Variants in BNC2 observed in about 807,000 individuals in gnomAD.
BNC2 encodes zinc finger protein basonuclin-2.
A neutral mutation model predicts 76.3 loss-of-function variants in BNC2; 20 were observed. The ratio of observed to expected loss-of-function variants is 0.26; its 90% confidence interval spans 0.18 to 0.38. BNC2 has a LOEUF of 0.38. Among genes scored for constraint, BNC2 ranks in the 10% least tolerant of loss-of-function variants. The pLI, the probability that BNC2 is intolerant of heterozygous loss-of-function variation, is 1.00. For missense variants in BNC2, 1,382 were observed against 1,399.8 expected (o/e 0.99, Z 0.20); for synonymous variants, 582 against 514.8 (o/e 1.13, Z -1.77).
At chr9:16,687,087 G>A (rs1364942485) in intron 3 of BNC2, among the ~76,000 whole-genome samples, 1 of 152,002 alleles carries the variant, frequency 6.6e-6, no homozygotes. Flanking sequence ...AAAAAACTGA[G>A]GCTTAGAGTA....
chr9:16,414,521 T>A lies in BNC2; in HGVS notation c.*4468A>T, dbSNP rs1820543296. On this transcript the variant is annotated 3_prime_UTR_variant, in exon 7 of 7. Transcript: ENST00000380672. ...AGAATGAAATTCGTTTGTCATAATT[T>A]TAAAAAAGAAGCTCTTAAGAAAAGG... is the stretch of plus-strand genomic sequence containing the variant. The A allele has an allele frequency of 6.6e-6, 1 of 152,208 alleles. No individual in the cohort carries two copies. The allele number at this position is 152,208 out of a possible 1,614,324, so 9.4% of individuals were successfully genotyped here.
chr9:16,448,135 C>G (rs559034170), intron 5 of BNC2, among the ~76,000 whole-genome samples: 4 of 152,210 alleles, frequency 2.6e-5, no homozygotes, highest in African/African-American at 9.6e-5. Context: ...TTACAATAAA[C>G]AGAACTCACC....
At chr9:16,798,829 A>C (rs886690098) in intron 1 of BNC2, among the ~76,000 whole-genome samples, 1 of 152,302 alleles carries the variant, frequency 6.6e-6, no homozygotes, top group Admixed American at 6.5e-5. Context: ...AGAGAGCAGA[A>C]GGTAAACAAT....
chr9:16,706,559 G>C (rs2297174), intron 3 of BNC2, among the ~76,000 whole-genome samples: 1 of 152,016 alleles, frequency 6.6e-6, no homozygotes, highest in Admixed American at 6.5e-5. Context: ...TCTCAAAGCA[G>C]GTTAACATGC....
intron 1 of BNC2, among the ~76,000 whole-genome samples, chr9:16,814,027 A>G (rs536869355): frequency 7.9e-5 from 12 of 152,282 alleles, no homozygotes; most frequent in African/African-American, 2.9e-4. Context: ...GTCTGTCCTG[A>G]TTATGCAATA....
intron 5 of BNC2, among the ~76,000 whole-genome samples, chr9:16,482,780 C>T (rs1822086689): frequency 6.6e-6 from 1 of 152,192 alleles, no homozygotes; most frequent in Non-Finnish European, 1.5e-5. Flanking sequence ...TCACAAACTT[C>T]AGACTCCAGG....
chr9:16,645,752 T>C (rs952632937), intron 3 of BNC2, among the ~76,000 whole-genome samples: 4 of 152,344 alleles, frequency 2.6e-5, no homozygotes, highest in Admixed American at 2.6e-4. Flanking sequence ...ATTCTTAGCA[T>C]ATTGCTTATA....
intron 4 of BNC2, among the ~76,000 whole-genome samples, chr9:16,560,216 CTG>C (rs1373244460): frequency 6.6e-6 from 1 of 152,152 alleles, no homozygotes; most frequent in African/African-American, 2.4e-5. Flanking sequence ...GGACCATACT[CTG>C]AGAATCACTG....
In BNC2 at chr9:16,751,650, G is replaced by GTATATATATGTA. The variant is rs1825206254; in HGVS notation, c.4-13166_4-13165insTACATATATATA. 9.0e-4 allele frequency among the ~76,000 whole-genome samples: 26 copies of GTATATATATGTA among 28,768 alleles called. 1 individual carries two copies. The highest frequency in any genetic ancestry group is 3.0e-3 in the South Asian group (3 of 1,006). The allele number at this position is 28,768 out of a possible 152,430, so 18.9% of individuals were successfully genotyped here. A position where few individuals can be genotyped will look rare whatever the true frequency, so the allele number is the denominator to read the frequency against. On this transcript the variant is annotated intron_variant, in intron 1 of 6. Transcript: ENST00000380672. ...TATATGTATGTATATATGTATGTGT[G>GTATATATATGTA]TATATATATATGTATGTATGTGTAT...
chr9:16,643,821 A>G (rs963713122), intron 3 of BNC2, among the ~76,000 whole-genome samples: 2 of 152,148 alleles, frequency 1.3e-5, no homozygotes, highest in Non-Finnish European at 2.9e-5. Flanking sequence ...GCATGGTTTA[A>G]GATTAAAGAT....
At chr9:16,633,162 A>G (rs1210761112) in intron 3 of BNC2, among the ~76,000 whole-genome samples, 1 of 152,202 alleles carries the variant, frequency 6.6e-6, no homozygotes, top group Non-Finnish European at 1.5e-5. Flanking sequence ...TCTGCAACAT[A>G]ACGAAGAGCA....
At chr9:16,634,831 G>A (rs1433689347) in intron 3 of BNC2, among the ~76,000 whole-genome samples, 1 of 151,860 alleles carries the variant, frequency 6.6e-6, no homozygotes, top group African/African-American at 2.4e-5. Context: ...CCCAAAGTCT[G>A]AGCCCAAGAA....
chr9:16,848,084 T>C (rs934617420), intron 1 of BNC2, among the ~76,000 whole-genome samples: 2 of 152,220 alleles, frequency 1.3e-5, no homozygotes, highest in Non-Finnish European at 2.9e-5. Context: ...GATATTCTAA[T>C]TAGGAAACAT....
chr9:16,637,790 G>GA (rs1200493783), intron 3 of BNC2, among the ~76,000 whole-genome samples: 1 of 150,952 alleles, frequency 6.6e-6, no homozygotes, highest in Non-Finnish European at 1.5e-5. Context: ...TAGATTAAAA[G>GA]AAAAAAAGCC....
At chr9:16,817,662 T>C (rs956318732) in intron 1 of BNC2, among the ~76,000 whole-genome samples, 1 of 152,220 alleles carries the variant, frequency 6.6e-6, no homozygotes, top group African/African-American at 2.4e-5. Flanking sequence ...TGCCAGAGTA[T>C]GGTTTAACGT....
At chr9:16,464,829 T>C (rs1344753547) in intron 5 of BNC2, among the ~76,000 whole-genome samples, 1 of 152,194 alleles carries the variant, frequency 6.6e-6, no homozygotes. Context: ...CCTGAAAAAG[T>C]TAAAACTAAT....
At chr9:16,860,499 T>C (rs1209585730) in intron 1 of BNC2, among the ~76,000 whole-genome samples, 1 of 152,174 alleles carries the variant, frequency 6.6e-6, no homozygotes, top group South Asian at 2.1e-4. Flanking sequence ...AAGAATAAAG[T>C]TGTACCCCTA....
chr9:16,600,090 G>A (rs1157734715), intron 3 of BNC2, among the ~76,000 whole-genome samples: 1 of 152,082 alleles, frequency 6.6e-6, no homozygotes, highest in African/African-American at 2.4e-5. Flanking sequence ...AATCCAAGAG[G>A]GGCCCTACAT....
chr9:16,436,382 G>C lies in BNC2; in HGVS notation c.1812C>G (p.His604Gln), dbSNP rs936836401. ...CTACTGGCTCAGAGGGTGGCGGGGG[G>C]TGCTGCTCTATGGTACCACTGGTTG... ...IIPTSGTIEQHPPPPSEPVVP... is the reference protein window; with the variant it reads ...IIPTSGTIEQQPPPPSEPVVP... The change falls in exon 6 of 7, where the codon CAC (histidine) becomes CAG (glutamine). Residue 604 changes from histidine to glutamine, a missense_variant. This residue lies in a region of BNC2 where 798 missense variants were observed against 775.5 expected (regional missense o/e 1.03). Coordinates refer to ENST00000380672, the MANE Select transcript of BNC2 (RefSeq NM_017637.6). 1.2e-6 allele frequency: 2 copies of C among 1,614,066 alleles called. No homozygotes were observed. Among genetic ancestry groups the C allele is most frequent in the African/African-American group, 2.7e-5 (2 of 74,918 alleles).
Sources: allele counts gnomAD v4.1 joint callset (sites outside exome capture counted in the v4.1 genomes callset), GRCh38; gene constraint gnomAD v4.1.1; regional missense constraint gnomAD v4.1.1; transcripts MANE v1.5; gene names NCBI Gene and HGNC (gene_info 2026-07-23, HGNC 2026-07-21).